RGL1: variants seen among roughly 807,000 people sequenced by gnomAD.
RGL1 encodes the protein ral guanine nucleotide dissociation stimulator-like 1.
In RGL1, 24 loss-of-function variants were observed where a neutral mutation model predicts 95.2. The observed-to-expected ratio is 0.25, with a 90% confidence interval of 0.18 to 0.35. The LOEUF (loss-of-function observed/expected upper bound fraction) is 0.35. RGL1 is among the 10% of genes least tolerant of loss of function. RGL1 has a pLI of 1.00. For synonymous variants in RGL1, 329 were observed against 344.9 expected, an observed-to-expected ratio of 0.95 and a Z score of 0.51; for missense variants, 715 against 936.3, an observed-to-expected ratio of 0.76 and a Z score of 3.08.
intron 4 of RGL1, among the ~76,000 whole-genome samples, chr1:183,872,585 G>T (rs949298702): frequency 6.6e-6 from 1 of 152,150 alleles, no homozygotes; most frequent in Non-Finnish European, 1.5e-5. Flanking sequence ...CCCAGAAGTT[G>T]TAAACAGTGA....
chr1:183,822,694 A>T (rs1207560311), intron 2 of RGL1, among the ~76,000 whole-genome samples: 1 of 152,194 alleles, frequency 6.6e-6, no homozygotes, highest in Admixed American at 6.5e-5. Flanking sequence ...ATTGCAAACA[A>T]TTTGTTTGTT....
chr1:183,732,284 G>A (rs543906702), intron 1 of RGL1, among the ~76,000 whole-genome samples: 7 of 152,260 alleles, frequency 4.6e-5, no homozygotes, highest in African/African-American at 1.7e-4. Context: ...GAAAAAAATG[G>A]AAAGTCCTGT....
In RGL1 at chr1:183,818,674, G is replaced by A. The variant is rs148459203; in HGVS notation, c.138+12189G>A. The stretch of plus-strand genomic sequence containing the variant: ...ATATTTAATTAATCATCATATTCCC[G>A]TAACCTGGGACAGTGTTTGAGACAT... On this transcript the variant is annotated intron_variant, in intron 2 of 17. Transcript: ENST00000360851. Among the ~76,000 whole-genome samples the A allele has an allele frequency of 5.7e-3, 873 of 152,230 alleles. 7 individuals are homozygous for A. Among genetic ancestry groups the A allele is most frequent in the African/African-American group, 0.017 (696 of 41,526 alleles).
At chr1:183,737,280 C>T (rs1656999088) in intron 1 of RGL1, among the ~76,000 whole-genome samples, 1 of 152,152 alleles carries the variant, frequency 6.6e-6, no homozygotes, top group Non-Finnish European at 1.5e-5. Context: ...CTCTGAGAAG[C>T]TGCTCATTTA....
intron 2 of RGL1, among the ~76,000 whole-genome samples, chr1:183,786,926 A>G (rs866725937): frequency 9.8e-5 from 15 of 152,374 alleles, no homozygotes; most frequent in Middle Eastern, 3.4e-3. Flanking sequence ...GAAAAGTGAC[A>G]GAAAACACTA....
intron 7 of RGL1, among the ~76,000 whole-genome samples, chr1:183,887,559 A>T (rs937934662): frequency 4.6e-5 from 7 of 152,150 alleles, no homozygotes; most frequent in Non-Finnish European, 7.3e-5. Flanking sequence ...GTGCCTGTAT[A>T]TGAAGCATCT....
At position 183,897,885 on chromosome 1, in the gene RGL1, C is replaced by T. The variant is rs891759816; in HGVS notation, c.1218C>T (p.Leu406=). 5.0e-6 allele frequency: 8 copies of T among 1,613,676 alleles called. No homozygotes were observed. The highest frequency in any genetic ancestry group is 3.3e-4 in the Middle Eastern group (2 of 6,084). Residue 406 remains leucine, a synonymous_variant, in exon 10 of 18, where the codon CTC becomes CTT. Transcript: ENST00000360851. ...AGCGTACCCAGAGGCGGCTGCAGCT[C>T]CAGAAGGACATGGTATGTCTGGCCC... ...NQKRTQRRLQ[L]QKDMGVMQGT...
chr1:183,844,373 A>T (rs2102527286), intron 2 of RGL1, among the ~76,000 whole-genome samples: 1 of 152,350 alleles, frequency 6.6e-6, no homozygotes, highest in Non-Finnish European at 1.5e-5. Context: ...GTAATTTAAT[A>T]AGCCAAAATT....
At chr1:183,663,137 A>G (rs1361774506) in intron 1 of RGL1, among the ~76,000 whole-genome samples, 2 of 151,782 alleles carry the variant, frequency 1.3e-5, no homozygotes, top group Non-Finnish European at 2.9e-5. Context: ...ATTACCATTC[A>G]GGACATAGGC....
chr1:183,880,858 C>T (rs551895105), intron 5 of RGL1, 58 bp downstream of exon 5: 294 of 1,528,732 alleles, frequency 1.9e-4, no homozygotes, highest in Non-Finnish European at 2.5e-4. Context: ...AGCCTCCACG[C>T]TGGAGAAAGG....
chr1:183,748,642 G>C (rs76152664), intron 2 of RGL1, among the ~76,000 whole-genome samples: 61 of 152,100 alleles, frequency 4.0e-4, no homozygotes, highest in African/African-American at 1.3e-3. Flanking sequence ...TCCTGACCTC[G>C]TGATCTGCCT....
intron 1 of RGL1, among the ~76,000 whole-genome samples, chr1:183,735,666 C>T (rs1197242387): frequency 6.6e-6 from 1 of 152,188 alleles, no homozygotes; most frequent in Non-Finnish European, 1.5e-5. Context: ...TACATTGACT[C>T]ATACCTCCAC....
At chr1:183,748,193 G>T (rs1346525045) in intron 2 of RGL1, among the ~76,000 whole-genome samples, 1 of 151,846 alleles carries the variant, frequency 6.6e-6, no homozygotes, top group Non-Finnish European at 1.5e-5. Context: ...ATTTTTTATT[G>T]TGTCTATTTG....
chr1:183,912,504 C>T (rs1668707105), intron 15 of RGL1, among the ~76,000 whole-genome samples: 1 of 152,160 alleles, frequency 6.6e-6, no homozygotes, highest in African/African-American at 2.4e-5. Flanking sequence ...GTTCTATACC[C>T]ACCTCTTAAG....
intron 13 of RGL1, among the ~76,000 whole-genome samples, chr1:183,906,612 C>G (rs1039356934): frequency 2.0e-5 from 3 of 151,934 alleles, no homozygotes; most frequent in Admixed American, 6.6e-5. Flanking sequence ...AACACACATA[C>G]AAAATAGTAG....
At chr1:183,715,257 G>T (rs1655540885) in intron 1 of RGL1, among the ~76,000 whole-genome samples, 2 of 151,560 alleles carry the variant, frequency 1.3e-5, no homozygotes, top group Non-Finnish European at 2.9e-5. Context: ...ATTTGATCTT[G>T]TTTTTTTTGT....
intron 15 of RGL1, among the ~76,000 whole-genome samples, chr1:183,915,393 AAAAGTACCTCTT>A (rs1311371924): frequency 1.3e-5 from 2 of 152,232 alleles, no homozygotes; most frequent in Non-Finnish European, 2.9e-5. Flanking sequence ...AATGATTTTT[AAAAGTACCTCTT>A]CCAATAACTT....
chr1:183,900,286 T>C (rs774801928), intron 11 of RGL1, 50 bp downstream of exon 11: 1 of 1,423,334 alleles, frequency 7.0e-7, no homozygotes, highest in Admixed American at 1.7e-5. Context: ...TCCCACTGGA[T>C]ACCCTAAAGA....
intron 3 of RGL1, among the ~76,000 whole-genome samples, chr1:183,864,006 T>C (rs1232148482): frequency 6.6e-6 from 1 of 152,186 alleles, no homozygotes; most frequent in Non-Finnish European, 1.5e-5. Context: ...ACATTTGGCA[T>C]CACATTCTGG....
Sources: gnomAD v4.1 joint callset for allele counts (sites outside exome capture counted in the v4.1 genomes callset) on GRCh38, gnomAD v4.1.1 for gene constraint, MANE v1.5 for transcripts, NCBI Gene and HGNC (gene_info 2026-07-23, HGNC 2026-07-21) for gene names.